Variants in SPRR1A observed in about 807,000 individuals in gnomAD.
SPRR1A encodes the protein cornifin-A.
For synonymous variants in SPRR1A, 40 were observed against 39.2 expected (o/e 1.02, Z -0.07); for missense variants, 123 against 105.4 (o/e 1.17, Z -0.73).
chr1:152,985,631 C>T (rs937384799), downstream of SPRR1A: 11 of 1,433,968 alleles, frequency 7.7e-6, no homozygotes, highest in Admixed American at 1.1e-4. Context: ...ATAATCGCTC[C>T]TTTGCACCTC....
chr1:152,985,359 C>T (rs776883979), exon 1 of SPRR1A: 53 of 1,563,444 alleles, frequency 3.4e-5, no homozygotes, highest in Non-Finnish European at 4.6e-5. Flanking sequence ...CCTGCCACCC[C>T]AAGGTGCCTG....
At chr1:152,985,333 C>G in exon 1 of SPRR1A, 3 of 1,613,842 alleles carry the variant, frequency 1.9e-6, no homozygotes, top group Non-Finnish European at 2.5e-6. Flanking sequence ...ACCATGCATC[C>G]CCAAAACCAA....
exon 1 of SPRR1A, chr1:152,985,290 G>A: frequency 6.2e-7 from 1 of 1,613,804 alleles, no homozygotes; most frequent in Non-Finnish European, 8.5e-7. Flanking sequence ...AGCAGCAGCA[G>A]GTGAAACAAC....
At chr1:152,984,480 C>T (rs1050754433), upstream of SPRR1A, among the ~76,000 whole-genome samples, 3 of 152,130 alleles carry the variant, frequency 2.0e-5, no homozygotes, top group Non-Finnish European at 4.4e-5. Flanking sequence ...AGATGGATCT[C>T]TACTGAGCAT....
Position 152,985,352 on chromosome 1 carries a change from G to A in SPRR1A, c.122G>A (p.Cys41Tyr), listed in dbSNP as rs772385431. 1.9e-5 allele frequency: 30 copies of A among 1,598,532 alleles called. No homozygotes were observed. Among genetic ancestry groups the A allele is most frequent in the Non-Finnish European group, 2.5e-5 (29 of 1,176,914 alleles). Residue 41 changes from cysteine (C) to tyrosine (Y), a missense_variant, in exon 1 of 1, where the codon TGC becomes TAC. Coordinates refer to ENST00000368762, the Ensembl canonical transcript of SPRR1A. The stretch of plus-strand genomic sequence containing the variant: ...TGCATCCCCAAAACCAAGGAGCCCT[G>A]CCACCCCAAGGTGCCTGAGCCCTGC...
chr1:152,984,814 A>C (rs1413626999), upstream of SPRR1A, among the ~76,000 whole-genome samples: 4 of 152,164 alleles, frequency 2.6e-5, no homozygotes, highest in East Asian at 7.7e-4. Context: ...GCTTAGATGA[A>C]TATAAAGCCA....
exon 1 of SPRR1A, chr1:152,985,435 G>A (rs775656088): frequency 1.9e-6 from 3 of 1,612,966 alleles, no homozygotes; most frequent in African/African-American, 1.3e-5. Flanking sequence ...CCAGCCCAAG[G>A]TGCCTGAGCC....
downstream of SPRR1A, chr1:152,985,608 G>A: frequency 6.7e-7 from 1 of 1,502,250 alleles, no homozygotes; most frequent in Non-Finnish European, 8.9e-7. Context: ...TTAGCATGCT[G>A]TCACCCTGAA....
chr1:152,984,434 C>G (rs1272975645), upstream of SPRR1A, among the ~76,000 whole-genome samples: 6 of 151,978 alleles, frequency 3.9e-5, no homozygotes, highest in Non-Finnish European at 8.8e-5. Flanking sequence ...CTGCAATTTC[C>G]CCCTGACAAG....
At chr1:152,985,390 C>A (rs1249268924) in exon 1 of SPRR1A, 1 of 1,571,048 alleles carries the variant, frequency 6.4e-7, no homozygotes, top group Non-Finnish European at 8.7e-7. Flanking sequence ...CCCCAAAGTG[C>A]CTGAGCCCTG....
At chr1:152,985,389 G>T (rs373551317) in exon 1 of SPRR1A, 4 of 1,566,284 alleles carry the variant, frequency 2.6e-6, no homozygotes, top group Admixed American at 1.7e-5. Flanking sequence ...ACCCCAAAGT[G>T]CCTGAGCCCT....
chr1:152,985,575 C>T, downstream of SPRR1A: 1 of 1,534,402 alleles, frequency 6.5e-7, no homozygotes, highest in South Asian at 1.3e-5. Flanking sequence ...CTTATGAATC[C>T]CATTTGCCTA....
downstream of SPRR1A, chr1:152,985,506 T>C: frequency 6.2e-7 from 1 of 1,609,778 alleles, no homozygotes; most frequent in Non-Finnish European, 8.5e-7. Flanking sequence ...AGTAATGTGG[T>C]CCACAGCCAT....
chr1:152,984,384 A>T (rs1387575111), upstream of SPRR1A, among the ~76,000 whole-genome samples: 2 of 152,118 alleles, frequency 1.3e-5, no homozygotes, highest in Non-Finnish European at 2.9e-5. Flanking sequence ...GGAAGTTCAT[A>T]GCAGAACTAG....
At chr1:152,984,596 T>C (rs1652251968), upstream of SPRR1A, among the ~76,000 whole-genome samples, 1 of 152,066 alleles carries the variant, frequency 6.6e-6, no homozygotes, top group South Asian at 2.1e-4. Flanking sequence ...TATATATAAA[T>C]AAATGAAATG....
At chr1:152,984,840 G>T (rs1404976193), upstream of SPRR1A, among the ~76,000 whole-genome samples, 2 of 152,126 alleles carry the variant, frequency 1.3e-5, no homozygotes, top group African/African-American at 4.8e-5. Flanking sequence ...TAAGTCACAG[G>T]CTTTCTACAT....
At chr1:152,985,118 C>A, upstream of SPRR1A, 2 of 1,423,308 alleles carry the variant, frequency 1.4e-6, no homozygotes, top group Non-Finnish European at 1.9e-6. Context: ...GAAAGGCTTT[C>A]TCTTCTAAAG....
downstream of SPRR1A, chr1:152,985,613 C>A: frequency 6.7e-7 from 1 of 1,493,494 alleles, no homozygotes; most frequent in Non-Finnish European, 9.0e-7. Context: ...ATGCTGTCAC[C>A]CTGAATCATA....
At chr1:152,985,151 G>A, upstream of SPRR1A, 2 of 1,518,022 alleles carry the variant, frequency 1.3e-6, no homozygotes, top group Non-Finnish European at 1.8e-6. Flanking sequence ...AAATCTGTTT[G>A]GCATTGAATT....
Sources: gnomAD v4.1 joint callset for allele counts (sites outside exome capture counted in the v4.1 genomes callset) on GRCh38, gnomAD v4.1.1 for gene constraint, MANE v1.5 for transcripts, NCBI Gene and HGNC (gene_info 2026-07-23, HGNC 2026-07-21) for gene names.